The following SLIT3 variants were observed in gnomAD, a reference collection of about 807,000 sequenced individuals.
SLIT3 encodes the protein slit homolog 3 protein.
In SLIT3, 68 loss-of-function variants were observed where a neutral mutation model predicts 184.0. That is an observed-to-expected ratio of 0.37 (90% CI 0.30 to 0.45). SLIT3 has a LOEUF of 0.45. SLIT3 is among the 20% of genes least tolerant of loss of function. SLIT3 has a pLI of 1.00. For missense variants in SLIT3, 1,707 were observed against 2,026.0 expected (o/e 0.84, Z 3.02); for synonymous variants, 831 against 828.6 (o/e 1.00, Z -0.05).
chr5:168,907,505 C>T (rs944372946), intron 4 of SLIT3, among the ~76,000 whole-genome samples: 2 of 152,134 alleles, frequency 1.3e-5, no homozygotes, highest in Non-Finnish European at 2.9e-5. Context: ...TGCCATCAGT[C>T]GTGAGTTCTG....
chr5:168,954,040 G>A (rs1385704561), intron 4 of SLIT3, among the ~76,000 whole-genome samples: 2 of 152,056 alleles, frequency 1.3e-5, no homozygotes, highest in Non-Finnish European at 2.9e-5. Context: ...CATTTCTGCT[G>A]GGGGGAAACA....
chr5:168,944,911 A>G (rs1315049886), intron 4 of SLIT3, among the ~76,000 whole-genome samples: 2 of 152,226 alleles, frequency 1.3e-5, no homozygotes, highest in Non-Finnish European at 2.9e-5. Context: ...ACCCATGCCA[A>G]CCTCGTGAAG....
intron 4 of SLIT3, among the ~76,000 whole-genome samples, chr5:169,069,534 C>G (rs1758469558): frequency 6.6e-6 from 1 of 152,138 alleles, no homozygotes; most frequent in South Asian, 2.1e-4. Context: ...CGAGGGAACT[C>G]AGACCTATAG....
At chr5:169,173,685 G>A (rs1343084241) in intron 4 of SLIT3, among the ~76,000 whole-genome samples, 1 of 152,202 alleles carries the variant, frequency 6.6e-6, no homozygotes, top group African/African-American at 2.4e-5. Flanking sequence ...AGCTGCAGAT[G>A]TATTTTCCCT....
intron 4 of SLIT3, among the ~76,000 whole-genome samples, chr5:169,164,534 T>C (rs1762574522): frequency 6.6e-6 from 1 of 152,192 alleles, no homozygotes; most frequent in South Asian, 2.1e-4. Context: ...TGGGGTAAAC[T>C]TGGCCTTCTA....
At chr5:168,794,018 G>C (rs1756478456) in intron 10 of SLIT3, among the ~76,000 whole-genome samples, 1 of 152,188 alleles carries the variant, frequency 6.6e-6, no homozygotes, top group Non-Finnish European at 1.5e-5. Flanking sequence ...GGATTTCCAG[G>C]GAGATGGGAA....
chr5:169,129,582 C>T (rs1285079480), intron 4 of SLIT3, among the ~76,000 whole-genome samples: 1 of 152,050 alleles, frequency 6.6e-6, no homozygotes, highest in African/African-American at 2.4e-5. Context: ...ATTCTTGACA[C>T]TGCCTCATTT....
intron 5 of SLIT3, among the ~76,000 whole-genome samples, chr5:168,845,426 T>G (rs1377630491): frequency 6.6e-6 from 1 of 152,202 alleles, no homozygotes; most frequent in African/African-American, 2.4e-5. Context: ...ATATCGTTAT[T>G]GCCTTAAAGA....
intron 4 of SLIT3, among the ~76,000 whole-genome samples, chr5:169,069,221 G>A (rs1476821148): frequency 6.6e-6 from 1 of 152,224 alleles, no homozygotes; most frequent in Non-Finnish European, 1.5e-5. Context: ...CAGTGCCTGA[G>A]AGGGGTCTGG....
chr5:168,873,667 G>C lies in SLIT3; in HGVS notation c.485+9598C>G, dbSNP rs987082774. 6.6e-5 allele frequency among the ~76,000 whole-genome samples: 10 copies of C among 152,198 alleles called. No homozygotes were observed. In the East Asian group the frequency reaches 1.7e-3, roughly 26 times the overall value. On this transcript the variant is annotated intron_variant, in intron 5 of 35. Coordinates refer to ENST00000519560, the MANE Select transcript of SLIT3 (RefSeq NM_003062.4). ...ATAAGATAATACACGTGAAGGCTGC[G>C]TGCAAACCAGAAAGCAACGTACAAA...
intron 26 of SLIT3, among the ~76,000 whole-genome samples, chr5:168,701,677 C>G (rs1762217502): frequency 2.0e-5 from 3 of 152,214 alleles, no homozygotes; most frequent in Non-Finnish European, 4.4e-5. Flanking sequence ...ACAGACCAGT[C>G]TCACCCAATG....
At chr5:168,907,973 T>TAGAGAGAGAGAG (rs1360826933) in intron 4 of SLIT3, among the ~76,000 whole-genome samples, 8 of 66,788 alleles carry the variant, frequency 1.2e-4, no homozygotes, top group East Asian at 3.7e-4. Flanking sequence ...TATATATATA[T>TAGAGAGAGAGAG]ATATATAGAG....
chr5:169,128,363 A>G (rs1249804007), intron 4 of SLIT3, among the ~76,000 whole-genome samples: 2 of 151,516 alleles, frequency 1.3e-5, no homozygotes, highest in African/African-American at 4.8e-5. Flanking sequence ...TTCGCTCTTC[A>G]GTAGCTTCTA....
intron 1 of SLIT3, among the ~76,000 whole-genome samples, chr5:169,254,484 CT>C (rs34928753): frequency 0.075 from 11,012 of 146,466 alleles, 742 homozygotes; most frequent in East Asian, 0.17. Flanking sequence ...TTCTTTCTTT[CT>C]TTTTTTTTTT....
At chr5:168,755,427 T>TCTCCCTCTCTCTCTC (rs1754894745) in intron 16 of SLIT3, among the ~76,000 whole-genome samples, 1 of 44,854 alleles carries the variant, frequency 2.2e-5, no homozygotes, top group African/African-American at 1.3e-4. Context: ...CTTTCTTTCT[T>TCTCCCTCTCTCTCTC]TCTTTCTTTC....
rs140609679 is a variant in SLIT3 at position 168,800,546 on chromosome 5, C to T, written c.936-4968G>A. Among the ~76,000 whole-genome samples, 381 of 152,266 alleles carry T rather than the reference C, an allele frequency of 2.5e-3. 2 individuals are homozygous for T. Among genetic ancestry groups the T allele is most frequent in the Admixed American group, 8.2e-3 (126 of 15,308 alleles). On this transcript the variant is annotated intron_variant, in intron 9 of 35. Transcript: ENST00000519560. ...AGGTTGCAGTGAGCCAAGATCACAC[C>T]ATTGCACTCTAGCCTGGGCAATGAG...
intron 34 of SLIT3, 62 bp downstream of exon 34, chr5:168,671,136 G>A: frequency 6.5e-7 from 1 of 1,544,764 alleles, no homozygotes; most frequent in Admixed American, 1.7e-5. Context: ...TTCTCAGGTG[G>A]GGTAGGGACT....
intron 4 of SLIT3, among the ~76,000 whole-genome samples, chr5:169,091,945 G>C (rs1198952281): frequency 6.6e-6 from 1 of 152,188 alleles, no homozygotes; most frequent in Non-Finnish European, 1.5e-5. Context: ...ACTCAGAGTG[G>C]GTGCGGTGGC....
At chr5:169,247,941 G>T (rs557280543) in intron 2 of SLIT3, among the ~76,000 whole-genome samples, 1 of 152,258 alleles carries the variant, frequency 6.6e-6, no homozygotes, top group East Asian at 1.9e-4. Context: ...CCATCAAGAA[G>T]TTTTTTGACT....
Sources: gnomAD v4.1 joint callset for allele counts (sites outside exome capture counted in the v4.1 genomes callset) on GRCh38, gnomAD v4.1.1 for gene constraint, MANE v1.5 for transcripts, NCBI Gene and HGNC (gene_info 2026-07-23, HGNC 2026-07-21) for gene names.